Variants in MAGI2 observed in about 807,000 individuals in gnomAD.
MAGI2 encodes membrane-associated guanylate kinase, WW and PDZ domain-containing protein 2.
In MAGI2, 35 loss-of-function variants were observed where a neutral mutation model predicts 133.3. That is an observed-to-expected ratio of 0.26 (90% CI 0.20 to 0.35). The LOEUF (loss-of-function observed/expected upper bound fraction) is 0.35, where lower values mean the gene tolerates loss of function less well. Among genes scored for constraint, MAGI2 ranks in the 10% least tolerant of loss-of-function variants. The pLI is 1.00. For missense variants in MAGI2, 1,636 were observed against 1,863.4 expected, an observed-to-expected ratio of 0.88 and a Z score of 2.25; for synonymous variants, 729 against 710.6, an observed-to-expected ratio of 1.03 and a Z score of -0.41.
At chr7:78,419,458 G>C (rs1472330114) in intron 6 of MAGI2, among the ~76,000 whole-genome samples, 2 of 151,926 alleles carry the variant, frequency 1.3e-5, no homozygotes, top group Non-Finnish European at 2.9e-5. Flanking sequence ...CTGGGATGGG[G>C]TAACATCATA....
intron 2 of MAGI2, among the ~76,000 whole-genome samples, chr7:78,763,575 A>G (rs1295459213): frequency 6.6e-6 from 1 of 152,176 alleles, no homozygotes; most frequent in African/African-American, 2.4e-5. Flanking sequence ...GAGAACACCT[A>G]AAGGACTGTG....
At chr7:78,802,328 T>G (rs1583948686) in intron 2 of MAGI2, among the ~76,000 whole-genome samples, 1 of 152,212 alleles carries the variant, frequency 6.6e-6, no homozygotes, top group Admixed American at 6.5e-5. Context: ...GTAATCTCCT[T>G]GAGGGCAAGA....
chr7:78,840,156 A>G (rs1007476529), intron 2 of MAGI2, among the ~76,000 whole-genome samples: 4 of 152,148 alleles, frequency 2.6e-5, no homozygotes, highest in African/African-American at 4.8e-5. Context: ...TGGCTCCCCA[A>G]TGTTTACCAA....
intron 2 of MAGI2, among the ~76,000 whole-genome samples, chr7:78,952,082 T>G (rs2151703402): frequency 6.6e-6 from 1 of 152,300 alleles, no homozygotes; most frequent in Non-Finnish European, 1.5e-5. Flanking sequence ...TTCTAAAATC[T>G]GGCTCCAAAC....
At chr7:78,390,542 T>C (rs1795805690) in intron 6 of MAGI2, among the ~76,000 whole-genome samples, 1 of 149,446 alleles carries the variant, frequency 6.7e-6, no homozygotes, top group South Asian at 2.1e-4. Flanking sequence ...GGGCATGTTA[T>C]GGTAGAAGTG....
intron 7 of MAGI2, among the ~76,000 whole-genome samples, chr7:78,355,051 G>C (rs929723657): frequency 2.0e-5 from 3 of 152,166 alleles, no homozygotes; most frequent in Non-Finnish European, 4.4e-5. Context: ...ATTGGGGATA[G>C]GTATTGTGAC....
chr7:78,905,808 G>A lies in MAGI2; in HGVS notation c.418+101282C>T, dbSNP rs552184355. Among the ~76,000 whole-genome samples the A allele has an allele frequency of 1.8e-4, 28 of 152,234 alleles. 1 individual carries two copies. In the South Asian group the frequency reaches 5.8e-3, roughly 32 times the overall value. On this transcript the variant is annotated intron_variant, in intron 2 of 21. Coordinates refer to ENST00000354212, the MANE Select transcript of MAGI2 (RefSeq NM_012301.4). ...TGAATGCATTTAGTTTGGTGTGGAG[G>A]TAAGGGGTCACATACCAAAAACATG...
intron 10 of MAGI2, among the ~76,000 whole-genome samples, chr7:78,207,495 C>T (rs1787219152): frequency 6.6e-6 from 1 of 152,160 alleles, no homozygotes; most frequent in African/African-American, 2.4e-5. Context: ...CTAAGCTTTC[C>T]ATCAAAAATT....
At chr7:78,155,699 T>C (rs1824319313) in intron 16 of MAGI2, among the ~76,000 whole-genome samples, 1 of 152,178 alleles carries the variant, frequency 6.6e-6, no homozygotes, top group Admixed American at 6.5e-5. Flanking sequence ...CTTCTAAGCT[T>C]CTAAAACCTG....
At chr7:78,277,829 T>C (rs1322293143) in intron 9 of MAGI2, among the ~76,000 whole-genome samples, 1 of 152,070 alleles carries the variant, frequency 6.6e-6, no homozygotes, top group Non-Finnish European at 1.5e-5. Context: ...AGACTATAGA[T>C]GTGGTGGCTG....
intron 2 of MAGI2, among the ~76,000 whole-genome samples, chr7:78,817,571 A>G (rs1214499725): frequency 6.6e-6 from 1 of 152,202 alleles, no homozygotes; most frequent in Non-Finnish European, 1.5e-5. Context: ...ACACTGAGGC[A>G]AGAACCCCCA....
intron 2 of MAGI2, among the ~76,000 whole-genome samples, chr7:78,896,663 C>T (rs1006680409): frequency 1.3e-5 from 2 of 151,772 alleles, no homozygotes; most frequent in Non-Finnish European, 2.9e-5. Flanking sequence ...CACCTCCTGG[C>T]TTCAAGCGAT....
chr7:79,104,117 G>A (rs1448134109), intron 1 of MAGI2, among the ~76,000 whole-genome samples: 1 of 152,118 alleles, frequency 6.6e-6, no homozygotes, highest in African/African-American at 2.4e-5. Flanking sequence ...TGAACAAAGG[G>A]ATTTTTTTCA....
At position 78,943,631 on chromosome 7, in the gene MAGI2, A is replaced by G. The variant is rs191586625; in HGVS notation, c.418+63459T>C. On this transcript the variant is annotated intron_variant, in intron 2 of 21. Coordinates refer to ENST00000354212, the MANE Select transcript of MAGI2 (RefSeq NM_012301.4). ...TTTAGGAAGATTAGGAACAGAGAACATTTCTTGGAACAACTACTGACAATG... is the reference window on the plus strand; with the variant it reads ...TTTAGGAAGATTAGGAACAGAGAACGTTTCTTGGAACAACTACTGACAATG... Among the ~76,000 whole-genome samples, 43 of 152,248 alleles carry G rather than the reference A, an allele frequency of 2.8e-4. No individual in the cohort carries two copies. The South Asian group carries it at 5.8e-3, about 21-fold the overall frequency.
At chr7:78,478,714 G>A (rs1792042892) in intron 6 of MAGI2, among the ~76,000 whole-genome samples, 2 of 151,900 alleles carry the variant, frequency 1.3e-5, no homozygotes, top group African/African-American at 4.8e-5. Context: ...AAAAGACCCT[G>A]AAAGGTGGAA....
chr7:78,284,074 A>G (rs1343198361), intron 9 of MAGI2, among the ~76,000 whole-genome samples: 5 of 144,750 alleles, frequency 3.5e-5, no homozygotes, highest in Admixed American at 2.1e-4. Flanking sequence ...TGAGTAAATT[A>G]AAATTGTGTC....
intron 2 of MAGI2, among the ~76,000 whole-genome samples, chr7:78,735,025 T>C (rs1821715888): frequency 6.6e-6 from 1 of 152,160 alleles, no homozygotes; most frequent in South Asian, 2.1e-4. Context: ...TATAAGTAGG[T>C]GGTAAATTTT....
Position 78,070,170 on chromosome 7 carries a change from CACACATATATATATATATATAT to C in MAGI2, c.3706+8755_3706+8776del, listed in dbSNP as rs767099563. 8.1e-4 allele frequency among the ~76,000 whole-genome samples: 70 copies of C among 86,944 alleles called. 2 individuals are homozygous for C. In the East Asian group the frequency reaches 0.011, roughly 14 times the overall value. 57.0% of individuals were successfully genotyped at this position (86,944 alleles called of 152,430 possible). A position where few individuals can be genotyped will look rare whatever the true frequency, so the allele number is the denominator to read the frequency against. On this transcript the variant is annotated intron_variant, in intron 21 of 21. Coordinates refer to ENST00000354212, the MANE Select transcript of MAGI2 (RefSeq NM_012301.4). ...ATATACACACATATATATACACACA[CACACATATATATATATATATAT>C]ATATATATATATATATATATATATA...
intron 1 of MAGI2, among the ~76,000 whole-genome samples, chr7:79,392,645 C>A (rs1844745806): frequency 6.6e-6 from 1 of 152,138 alleles, no homozygotes; most frequent in South Asian, 2.1e-4. Flanking sequence ...TTGTTGGCAG[C>A]ATAAATGTCT....
Sources: allele counts gnomAD v4.1 joint callset (sites outside exome capture counted in the v4.1 genomes callset), GRCh38; gene constraint gnomAD v4.1.1; transcripts MANE v1.5; gene names NCBI Gene and HGNC (gene_info 2026-07-23, HGNC 2026-07-21).